SENP7: variants seen among roughly 807,000 people sequenced by gnomAD.
SENP7 encodes the protein SUMO specific peptidase 7.
In SENP7, 64 loss-of-function variants were observed where a neutral mutation model predicts 141.2. The ratio of observed to expected loss-of-function variants is 0.45; its 90% CI spans 0.37 to 0.56. The LOEUF (loss-of-function observed/expected upper bound fraction) is 0.56. Ranked by LOEUF, SENP7 falls within the 20% of genes least tolerant of loss-of-function variation. The probability of loss-of-function intolerance (pLI) is 0.00; values close to 1 mark genes in which losing one functional copy is unlikely to be tolerated. For missense variants in SENP7, 1,025 were observed against 1,212.2 expected, an observed-to-expected ratio of 0.85 and a Z score of 2.29; for synonymous variants, 382 against 426.4, an observed-to-expected ratio of 0.90 and a Z score of 1.28.
intron 5 of SENP7, among the ~76,000 whole-genome samples, chr3:101,404,499 G>A (rs6769104): frequency 0.4 from 60,383 of 151,928 alleles, 12,514 homozygotes; most frequent in Admixed American, 0.54. Context: ...CATGCAGGAC[G>A]TAGGCAGGCA....
Position 101,372,112 on chromosome 3 carries a change from C to T in SENP7, c.692G>A (p.Ser231Asn). The T allele has an allele frequency of 1.3e-6, 2 of 1,548,740 alleles. No individual in the cohort carries two copies. Among genetic ancestry groups the T allele is most frequent in the Non-Finnish European group, 1.8e-6 (2 of 1,139,148 alleles). The change falls in exon 7 of 24, where the codon AGT becomes AAT. Residue 231 changes from serine to asparagine, a missense_variant. Transcript: ENST00000394095. ...CYLSERGSQR[S>N]KTVDDNSAKQ... ...TGCAGAATTGTCATCTACTGTCTTACTTCGTTGTGAGCCCCTGCAAAAGAG... is the reference window on the plus strand; with the variant it reads ...TGCAGAATTGTCATCTACTGTCTTATTTCGTTGTGAGCCCCTGCAAAAGAG...
chr3:101,504,610 T>C (rs555914994), intron 1 of SENP7, among the ~76,000 whole-genome samples: 3 of 152,310 alleles, frequency 2.0e-5, no homozygotes, highest in African/African-American at 7.2e-5. Context: ...CATTTTCTAG[T>C]CAATTTTAAA....
chr3:101,467,113 C>T (rs4683916), intron 3 of SENP7, among the ~76,000 whole-genome samples: 60,439 of 152,118 alleles, frequency 0.4, 12,531 homozygotes, highest in Admixed American at 0.54. Context: ...AACTGCAAGA[C>T]GGCAGCCTGG....
chr3:101,471,149 TA>T (rs1331317115), intron 3 of SENP7, among the ~76,000 whole-genome samples: 1 of 152,128 alleles, frequency 6.6e-6, no homozygotes, highest in Non-Finnish European at 1.5e-5. Context: ...TGGAAAAAAC[TA>T]CTTTAAAGTT....
chr3:101,339,590 C>A (rs1017394237), intron 16 of SENP7, among the ~76,000 whole-genome samples: 1 of 151,854 alleles, frequency 6.6e-6, no homozygotes, highest in African/African-American at 2.4e-5. Context: ...TGGTGGCGGG[C>A]GCCTGTAATC....
intron 2 of SENP7, among the ~76,000 whole-genome samples, chr3:101,497,052 C>A (rs2065185618): frequency 6.6e-6 from 1 of 152,082 alleles, no homozygotes; most frequent in Non-Finnish European, 1.5e-5. Flanking sequence ...CTTTTTTAAA[C>A]ACACTAACAC....
At chr3:101,348,299 A>G (rs1335810092) in intron 12 of SENP7, among the ~76,000 whole-genome samples, 2 of 152,254 alleles carry the variant, frequency 1.3e-5, no homozygotes, top group Non-Finnish European at 2.9e-5. Context: ...ACAATTAAAT[A>G]GAGATTGAAT....
chr3:101,443,033 G>T (rs1454921749), intron 4 of SENP7, among the ~76,000 whole-genome samples: 6 of 152,206 alleles, frequency 3.9e-5, no homozygotes, highest in African/African-American at 1.4e-4. Context: ...CCATGCCTAT[G>T]TCCTGAATGG....
At chr3:101,326,113 T>C in intron 23 of SENP7, 33 bp from the exon 24 acceptor site, 1 of 1,484,566 alleles carries the variant, frequency 6.7e-7, no homozygotes, top group Non-Finnish European at 9.0e-7. Flanking sequence ...GTAATCACTT[T>C]AGCAGCATAA....
At chr3:101,381,033 C>G (rs1014062146) in intron 6 of SENP7, among the ~76,000 whole-genome samples, 2 of 152,104 alleles carry the variant, frequency 1.3e-5, no homozygotes, top group African/African-American at 4.8e-5. Context: ...GTTCAGTAAC[C>G]TGAATCATTT....
At chr3:101,376,730 C>T (rs1014406292) in intron 6 of SENP7, among the ~76,000 whole-genome samples, 7 of 151,868 alleles carry the variant, frequency 4.6e-5, no homozygotes, top group Non-Finnish European at 8.8e-5. Context: ...CACATGTATA[C>T]ATATGTAACA....
At chr3:101,450,526 G>A (rs191090656) in intron 4 of SENP7, among the ~76,000 whole-genome samples, 1 of 152,184 alleles carries the variant, frequency 6.6e-6, no homozygotes, top group Admixed American at 6.5e-5. Context: ...TCAGACCACA[G>A]TGCAATTAAA....
chr3:101,446,812 T>C (rs901469375), intron 4 of SENP7, among the ~76,000 whole-genome samples: 2 of 151,930 alleles, frequency 1.3e-5, no homozygotes, highest in African/African-American at 4.8e-5. Context: ...ATATAAAAAG[T>C]GGTTATTTCA....
At chr3:101,462,019 G>C (rs984573474) in intron 3 of SENP7, among the ~76,000 whole-genome samples, 3 of 152,178 alleles carry the variant, frequency 2.0e-5, no homozygotes, top group Non-Finnish European at 4.4e-5. Flanking sequence ...TGGCAGAATA[G>C]AGAGATAAAT....
chr3:101,444,798 C>T (rs554278034), intron 4 of SENP7, among the ~76,000 whole-genome samples: 5 of 151,310 alleles, frequency 3.3e-5, no homozygotes, highest in South Asian at 4.2e-4. Context: ...TGCTAGATGA[C>T]GAGTTAGTGG....
At chr3:101,424,816 C>A (rs1232690254) in intron 4 of SENP7, among the ~76,000 whole-genome samples, 1 of 152,194 alleles carries the variant, frequency 6.6e-6, no homozygotes, top group Non-Finnish European at 1.5e-5. Flanking sequence ...ATGCACTAGG[C>A]CACACTGCGT....
intron 5 of SENP7, among the ~76,000 whole-genome samples, chr3:101,412,187 T>C (rs1250097168): frequency 6.6e-6 from 1 of 152,132 alleles, no homozygotes; most frequent in Non-Finnish European, 1.5e-5. Flanking sequence ...AATAAATCTA[T>C]AATGAGCCAA....
intron 4 of SENP7, among the ~76,000 whole-genome samples, chr3:101,418,827 G>A (rs2061699974): frequency 6.6e-6 from 1 of 151,872 alleles, no homozygotes; most frequent in Admixed American, 6.6e-5. Context: ...AAAAAATTAA[G>A]CTATTAGTTT....
At chr3:101,442,916 C>A (rs2062736994) in intron 4 of SENP7, among the ~76,000 whole-genome samples, 1 of 151,938 alleles carries the variant, frequency 6.6e-6, no homozygotes, top group Non-Finnish European at 1.5e-5. Context: ...ATTGAGATTT[C>A]AGTTGTTTCA....
Sources: allele counts gnomAD v4.1 joint callset (sites outside exome capture counted in the v4.1 genomes callset), GRCh38; gene constraint gnomAD v4.1.1; transcripts MANE v1.5; gene names NCBI Gene and HGNC (gene_info 2026-07-23, HGNC 2026-07-21).